HERC1: variants seen among roughly 807,000 people sequenced by gnomAD.
HERC1 encodes HECT and RLD domain containing E3 ubiquitin protein ligase family member 1.
HERC1 carries 160 observed loss-of-function variants against 554.3 expected under a neutral mutation model. That is an observed-to-expected ratio of 0.29 (90% CI 0.25 to 0.33). HERC1 has a LOEUF of 0.33. Ranked by LOEUF, HERC1 falls within the 10% of genes least tolerant of loss-of-function variation. The pLI is 1.00. For synonymous variants in HERC1, 2,175 were observed against 2,131.7 expected (o/e 1.02, Z -0.56); for missense variants, 4,919 against 5,918.5 (o/e 0.83, Z 5.54).
At position 63,626,009 on chromosome 15, in the gene HERC1, C is replaced by T; in HGVS notation, c.13251G>A (p.Leu4417=). The T allele has an allele frequency of 1.2e-6, 2 of 1,611,096 alleles. No homozygotes were observed. Among genetic ancestry groups the T allele is most frequent in the Non-Finnish European group, 1.7e-6 (2 of 1,178,674 alleles). Residue 4417 remains leucine, a synonymous_variant, in exon 71 of 78, where the codon CTG becomes CTA. Coordinates refer to ENST00000443617, the MANE Select transcript of HERC1 (RefSeq NM_003922.4). ...FSDLMYSSWR[L]LNLSPNNQNS... is the part of the protein sequence containing the mutation. ...CCTGGTTGTTGGGGCTAAGGTTCAG[C>T]AGTCTCCAGGATGAGTACATGAGGT...
chr15:63,709,386 T>A (rs2153107748), intron 24 of HERC1, among the ~76,000 whole-genome samples: 1 of 152,258 alleles, frequency 6.6e-6, no homozygotes, highest in East Asian at 1.9e-4. Flanking sequence ...CCAGAAAACC[T>A]AACAATCTTA....
chr15:63,707,945 A>G (rs2073101404), intron 24 of HERC1, among the ~76,000 whole-genome samples: 1 of 151,210 alleles, frequency 6.6e-6, no homozygotes, highest in Non-Finnish European at 1.5e-5. Flanking sequence ...AAAAAAAAAA[A>G]AAAAAAAAGA....
intron 19 of HERC1, among the ~76,000 whole-genome samples, chr15:63,722,190 T>G (rs963978546): frequency 7.2e-5 from 11 of 152,152 alleles, no homozygotes; most frequent in Non-Finnish European, 1.3e-4. Context: ...TCTCAAATAA[T>G]ATTAGAAACT....
At position 63,640,241 on chromosome 15, in the gene HERC1, C is replaced by G; in HGVS notation, c.11812G>C (p.Glu3938Gln). Residue 3938 changes from glutamate to glutamine, a missense_variant, in exon 61 of 78, where the codon GAA becomes CAA. Glu to Gln is a conservative substitution (Grantham distance 29). Transcript: ENST00000443617. ...ECFSTTIKAAEALTNGAQFPE... is the reference protein window; with the variant it reads ...ECFSTTIKAAQALTNGAQFPE... The stretch of plus-strand genomic sequence containing the variant: ...AACTGGGCTCCATTGGTCAGGGCTT[C>G]GGCAGCTTTTATAGTGGTTGAGAAA... 6.2e-7 allele frequency: 1 copy of G among 1,613,890 alleles called. No homozygotes were observed. The highest frequency in any genetic ancestry group is 1.7e-4 in the Middle Eastern group (1 of 6,060).
At position 63,649,706 on chromosome 15, in the gene HERC1, C is replaced by G; in HGVS notation, c.10747+19G>C. On this transcript the variant is annotated intron_variant, in intron 54 of 77. Transcript: ENST00000443617. ...GAAGTTGGAGACTCCGTCAGCTAGA[C>G]GTAAGTGCAGTCATTTACCATCCTT... The G allele has an allele frequency of 1.3e-6, 2 of 1,497,254 alleles. No homozygotes were observed. The highest frequency in any genetic ancestry group is 1.8e-6 in the Non-Finnish European group (2 of 1,085,274). 92.7% of individuals were successfully genotyped at this position (1,497,254 alleles called of 1,614,324 possible).
At chr15:63,696,488 C>CT in intron 26 of HERC1, 149 bp from the exon 27 acceptor site, 1 of 606,644 alleles carries the variant, frequency 1.6e-6, no homozygotes. Context: ...ATTATTATTA[C>CT]TTTTTTTGAA....
At chr15:63,825,878 T>A (rs1437802088) in intron 1 of HERC1, among the ~76,000 whole-genome samples, 1 of 152,018 alleles carries the variant, frequency 6.6e-6, no homozygotes, top group Non-Finnish European at 1.5e-5. Context: ...TTCTCCTGCC[T>A]CAGCCTCCCG....
At chr15:63,666,200 T>C in intron 41 of HERC1, 50 bp from the exon 42 acceptor site, 1 of 1,497,646 alleles carries the variant, frequency 6.7e-7, no homozygotes, top group Non-Finnish European at 9.1e-7. Context: ...AAGAATTAGG[T>C]CTTTATGTTA....
At chr15:63,610,497 GTT>G (rs1165047122) in intron 77 of HERC1, among the ~76,000 whole-genome samples, 1 of 152,204 alleles carries the variant, frequency 6.6e-6, no homozygotes, top group Non-Finnish European at 1.5e-5. Context: ...TAAGGCAAGG[GTT>G]GTTTCCAGAG....
chr15:63,630,957 C>T (rs2068522515), intron 68 of HERC1, among the ~76,000 whole-genome samples: 1 of 152,186 alleles, frequency 6.6e-6, no homozygotes, highest in African/African-American at 2.4e-5. Flanking sequence ...CTGACTGACA[C>T]AGTTCAGGCC....
Position 63,749,711 on chromosome 15 carries a change from T to G in HERC1, c.1983A>C (p.Glu661Asp), listed in dbSNP as rs1596148224. ...ATALRPKLIE[E>D]LAATRIVDVS... is the part of the protein sequence containing the mutation. ...CATCAACTATTCTTGTGGCAGCCAG[T>G]TCTTCAATAAGCTTGGGTCTCAAAG... Residue 661 changes from glutamate (E) to aspartate (D), a missense_variant, in exon 9 of 78, where the codon GAA (glutamate) becomes GAC (aspartate). Coordinates refer to ENST00000443617, the MANE Select transcript of HERC1 (RefSeq NM_003922.4). This position sits in a 1 kb window ranked among gnomAD's most constrained non-coding sequence, Gnocchi z 4.1. The G allele has an allele frequency of 6.3e-7, 1 of 1,587,526 alleles. No individual in the cohort carries two copies. Among genetic ancestry groups the G allele is most frequent in the African/African-American group, 1.3e-5 (1 of 74,500 alleles).
intron 31 of HERC1, among the ~76,000 whole-genome samples, chr15:63,691,883 C>A (rs2072134824): frequency 6.6e-6 from 1 of 152,146 alleles, no homozygotes; most frequent in Non-Finnish European, 1.5e-5. Flanking sequence ...ACGTTACGTG[C>A]ATTTTACCAC....
Position 63,677,510 on chromosome 15 carries a change from G to A in HERC1, c.7070+335C>T, listed in dbSNP as rs1595951484. 6.6e-6 allele frequency among the ~76,000 whole-genome samples: 1 copy of A among 152,234 alleles called. No homozygotes were observed. Among genetic ancestry groups the A allele is most frequent in the African/African-American group, 2.4e-5 (1 of 41,462 alleles). On this transcript the variant is annotated intron_variant, in intron 37 of 77. Coordinates refer to ENST00000443617, the MANE Select transcript of HERC1 (RefSeq NM_003922.4). The surrounding 1 kb of genome is among the most constrained non-coding windows in gnomAD (Gnocchi z 4.4). ...CTGGCTGGCTTTTTACTATGCCAGTGTGTAACAGAAATGATCAAAATGCAA... is the reference window on the plus strand; with the variant it reads ...CTGGCTGGCTTTTTACTATGCCAGTATGTAACAGAAATGATCAAAATGCAA...
intron 25 of HERC1, among the ~76,000 whole-genome samples, chr15:63,702,748 T>C (rs778940049): frequency 6.6e-6 from 1 of 152,326 alleles, no homozygotes; most frequent in African/African-American, 2.4e-5. Flanking sequence ...GTTTACTAAA[T>C]ACAAATTTCA....
intron 76 of HERC1, 71 bp downstream of exon 76, chr15:63,615,697 A>C: frequency 1.6e-6 from 2 of 1,281,124 alleles, no homozygotes; most frequent in Non-Finnish European, 2.1e-6. Context: ...AGATTTTGGC[A>C]TACCCAGTCA....
intron 1 of HERC1, among the ~76,000 whole-genome samples, chr15:63,817,844 A>G (rs1048500746): frequency 6.6e-6 from 1 of 152,160 alleles, no homozygotes; most frequent in Non-Finnish European, 1.5e-5. Flanking sequence ...AGCTCTTTAT[A>G]CTATTCCCTC....
chr15:63,609,258 G>C lies in HERC1; in HGVS notation c.14409C>G (p.Asp4803Glu). 6.2e-7 allele frequency: 1 copy of C among 1,610,926 alleles called. No individual in the cohort carries two copies. ...FQIMKVDRPY[D>E]SLPTSQTCFF... ...AGCAGGTCTGTGAGGTAGGCAGACT[G>C]TCGTAAGGCTGTGGAGAGAGACCCA... is the stretch of plus-strand genomic sequence containing the variant. Residue 4803 changes from aspartate (D) to glutamate (E), a missense_variant, in exon 78 of 78, where the codon GAC (aspartate) becomes GAG (glutamate). Asp to Glu is a conservative substitution (Grantham distance 45). Coordinates refer to ENST00000443617, the MANE Select transcript of HERC1 (RefSeq NM_003922.4).
In HERC1 at chr15:63,774,725, A is replaced by C; in HGVS notation, c.899T>G (p.Met300Arg). The C allele has an allele frequency of 1.9e-6, 3 of 1,613,308 alleles. No individual in the cohort carries two copies. The highest frequency in any genetic ancestry group is 2.5e-6 in the Non-Finnish European group (3 of 1,179,562). Residue 300 changes from methionine to arginine, a missense_variant, in exon 2 of 78, where the codon ATG becomes AGG. Around this residue, in one of 11 missense-constraint regions of HERC1, gnomAD observed 744 missense variants for 1,090.0 expected, o/e 0.68. Coordinates refer to ENST00000443617, the MANE Select transcript of HERC1 (RefSeq NM_003922.4). ...ACGCCTCATCTGCATTAATATGGTC[A>C]TAAAGCAGTCAAAGCTGATCATTCC... Reference protein sequence around the residue: ...QEGMISFDCFMTILMQMRRSL... With the variant: ...QEGMISFDCFRTILMQMRRSL...
chr15:63,796,828 T>C (rs563128580), intron 1 of HERC1, among the ~76,000 whole-genome samples: 4 of 152,214 alleles, frequency 2.6e-5, no homozygotes, highest in African/African-American at 4.8e-5. Context: ...TAAAGGGTTA[T>C]GGAGACCAAG....
Sources: allele counts gnomAD v4.1 joint callset (sites outside exome capture counted in the v4.1 genomes callset), GRCh38; gene constraint gnomAD v4.1.1; regional missense constraint gnomAD v4.1.1; non-coding constraint Gnocchi (gnomAD v3.1); transcripts MANE v1.5; gene names NCBI Gene and HGNC (gene_info 2026-07-23, HGNC 2026-07-21).